Variants in DLGAP4 observed in about 807,000 individuals in gnomAD.
DLGAP4 encodes DLG associated protein 4.
A neutral mutation model predicts 86.9 loss-of-function variants in DLGAP4; 18 were observed. That is an observed-to-expected ratio of 0.21 (90% CI 0.14 to 0.31). The LOEUF (loss-of-function observed/expected upper bound fraction) is 0.31, where lower values mean the gene tolerates loss of function less well. Among genes scored for constraint, DLGAP4 ranks in the 10% least tolerant of loss-of-function variants. The pLI is 1.00. For synonymous variants in DLGAP4, 548 were observed against 574.3 expected, an observed-to-expected ratio of 0.95 and a Z score of 0.65; for missense variants, 1,085 against 1,362.6, an observed-to-expected ratio of 0.80 and a Z score of 3.21.
At chr20:36,462,194 T>C in intron 7 of DLGAP4, 10 of 1,074,090 alleles carry the variant, frequency 9.3e-6, no homozygotes, top group South Asian at 3.3e-5. Flanking sequence ...GGGGTCTTTC[T>C]CCTTGGGACC....
chr20:36,316,806 C>T (rs2065105017), intron 1 of DLGAP4, among the ~76,000 whole-genome samples: 1 of 152,180 alleles, frequency 6.6e-6, no homozygotes, highest in Non-Finnish European at 1.5e-5. Flanking sequence ...CCCATTGCAG[C>T]CCGTCACTCC....
Position 36,341,076 on chromosome 20 carries a change from T to C in DLGAP4, c.-303-25969T>C, listed in dbSNP as rs183596410. ...TCACCCATTGCACAAAGAGGGAAAC[T>C]GAGGCCAGAGAGGGCACTTGCTTCC... On this transcript the variant is annotated intron_variant, in intron 1 of 12. Coordinates refer to ENST00000339266, the MANE Select transcript of DLGAP4 (RefSeq NM_001365621.2). Among the ~76,000 whole-genome samples the C allele has an allele frequency of 1.1e-3, 161 of 152,304 alleles. 1 individual carries two copies. Among genetic ancestry groups the C allele is most frequent in the African/African-American group, 3.7e-3 (155 of 41,560 alleles).
intron 2 of DLGAP4, among the ~76,000 whole-genome samples, chr20:36,394,136 C>G (rs2031870806): frequency 6.6e-6 from 1 of 152,214 alleles, no homozygotes; most frequent in South Asian, 2.1e-4. Context: ...CTGTCAATTC[C>G]TACTCATCCT....
intron 1 of DLGAP4, among the ~76,000 whole-genome samples, chr20:36,329,870 A>G (rs2065250361): frequency 6.6e-6 from 1 of 152,216 alleles, no homozygotes; most frequent in South Asian, 2.1e-4. Context: ...ATCTCTACTG[A>G]AAATACAAAA....
intron 7 of DLGAP4, among the ~76,000 whole-genome samples, chr20:36,488,488 C>T (rs1030641070): frequency 3.9e-5 from 6 of 152,124 alleles, no homozygotes; most frequent in Non-Finnish European, 7.4e-5. Context: ...CTCTTCTGGG[C>T]AGTATAGGGT....
chr20:36,326,903 CA>C (rs2065220523), intron 1 of DLGAP4, among the ~76,000 whole-genome samples: 1 of 151,264 alleles, frequency 6.6e-6, no homozygotes, highest in Non-Finnish European at 1.5e-5. Context: ...TTCTCACTTG[CA>C]TTGTTTTTGA....
chr20:36,417,689 C>T (rs768652484), intron 2 of DLGAP4, among the ~76,000 whole-genome samples: 5 of 148,996 alleles, frequency 3.4e-5, no homozygotes, highest in Non-Finnish European at 6.0e-5. Flanking sequence ...CGGCCTGAGA[C>T]GAGTTCTGCC....
At chr20:36,474,256 T>G (rs1310236414) in intron 7 of DLGAP4, among the ~76,000 whole-genome samples, 1 of 152,208 alleles carries the variant, frequency 6.6e-6, no homozygotes, top group Non-Finnish European at 1.5e-5. Flanking sequence ...ATTTGATGGC[T>G]GTTTGCCAAG....
intron 7 of DLGAP4, among the ~76,000 whole-genome samples, chr20:36,472,044 C>T (rs970212977): frequency 2.0e-5 from 3 of 152,200 alleles, no homozygotes; most frequent in Non-Finnish European, 4.4e-5. Flanking sequence ...CATGTCTACA[C>T]TGCCAGCAGA....
At chr20:36,465,025 TGAG>T (rs1350191787) in intron 7 of DLGAP4, among the ~76,000 whole-genome samples, 1 of 152,154 alleles carries the variant, frequency 6.6e-6, no homozygotes, top group African/African-American at 2.4e-5. Context: ...AGGATTATGA[TGAG>T]GATTAAATGA....
At chr20:36,398,195 G>C (rs939450506) in intron 2 of DLGAP4, among the ~76,000 whole-genome samples, 1 of 152,174 alleles carries the variant, frequency 6.6e-6, no homozygotes, top group African/African-American at 2.4e-5. Flanking sequence ...CTCTGTTCTT[G>C]ATGTCCAGTG....
intron 1 of DLGAP4, among the ~76,000 whole-genome samples, chr20:36,361,093 A>C (rs918978036): frequency 3.9e-5 from 6 of 152,060 alleles, no homozygotes; most frequent in African/African-American, 1.5e-4. Flanking sequence ...TCTCAGAGCC[A>C]GCAAAGGAGG....
intron 5 of DLGAP4, 111 bp from the exon 6 acceptor site, chr20:36,442,616 G>A: frequency 1.7e-6 from 2 of 1,192,118 alleles, no homozygotes; most frequent in Non-Finnish European, 2.5e-6. Flanking sequence ...CAGCCAGTCT[G>A]GGGAGGAGGT....
rs573118141 is a variant in DLGAP4, at chr20:36,438,584, G to A, written c.1242-1170G>A. 2.7e-5 allele frequency among the ~76,000 whole-genome samples: 4 copies of A among 150,846 alleles called. No individual in the cohort carries two copies. The South Asian group carries it at 6.3e-4, about 24-fold the overall frequency. On this transcript the variant is annotated intron_variant, in intron 4 of 12. Coordinates refer to ENST00000339266, the MANE Select transcript of DLGAP4 (RefSeq NM_001365621.2). ...TATATGTATATATTGTAAAGATGGG[G>A]CCTCACTATGTTGCCCAGAGTGGTG...
intron 7 of DLGAP4, among the ~76,000 whole-genome samples, chr20:36,482,979 T>A (rs2035256623): frequency 6.6e-6 from 1 of 152,194 alleles, no homozygotes; most frequent in Non-Finnish European, 1.5e-5. Context: ...GCCAAATGGT[T>A]ATAGCTTTGA....
At chr20:36,468,452 C>T (rs1408754711) in intron 7 of DLGAP4, among the ~76,000 whole-genome samples, 1 of 152,242 alleles carries the variant, frequency 6.6e-6, no homozygotes. Context: ...TACACAGTGG[C>T]TACCATGGGA....
At chr20:36,498,883 C>T in intron 8 of DLGAP4, 1 of 233,876 alleles carries the variant, frequency 4.3e-6, no homozygotes, top group South Asian at 6.6e-5. Flanking sequence ...TTCCACTTCA[C>T]AGGAGTGGAG....
chr20:36,429,398 C>CT (rs151254062), intron 2 of DLGAP4, among the ~76,000 whole-genome samples: 1,383 of 75,962 alleles, frequency 0.018, 18 homozygotes, highest in Middle Eastern at 0.036. Flanking sequence ...TTCTTTTTTT[C>CT]TTTTTTTTTT....
chr20:36,496,354 C>T (rs1390932941), intron 7 of DLGAP4, among the ~76,000 whole-genome samples: 2 of 152,212 alleles, frequency 1.3e-5, no homozygotes, highest in Non-Finnish European at 2.9e-5. Flanking sequence ...CACCTCCCCA[C>T]GGCACGGGTC....
Sources: allele counts gnomAD v4.1 joint callset (sites outside exome capture counted in the v4.1 genomes callset), GRCh38; gene constraint gnomAD v4.1.1; transcripts MANE v1.5; gene names NCBI Gene and HGNC (gene_info 2026-07-23, HGNC 2026-07-21).